The following DYM variants were observed in gnomAD, a reference collection of about 807,000 sequenced individuals.
DYM encodes the protein dymeclin.
A neutral mutation model predicts 93.1 loss-of-function variants in DYM; 78 were observed. That is an observed-to-expected ratio of 0.84 (90% CI 0.70 to 1.01). The LOEUF is 1.01. Among genes scored for constraint, DYM ranks in the 50% least tolerant of loss-of-function variants. The pLI is 0.00. For missense variants in DYM, 789 were observed against 845.0 expected (o/e 0.93, Z 0.82); for synonymous variants, 321 against 319.7 (o/e 1.00, Z -0.04).
chr18:49,364,548 C>T (rs1178867748), intron 5 of DYM, among the ~76,000 whole-genome samples: 7 of 152,140 alleles, frequency 4.6e-5, no homozygotes, highest in Non-Finnish European at 8.8e-5. Flanking sequence ...GCAATCCAAA[C>T]TCCAGATTGC....
intron 14 of DYM, among the ~76,000 whole-genome samples, chr18:49,196,609 G>C (rs2091475586): frequency 6.6e-6 from 1 of 152,080 alleles, no homozygotes; most frequent in East Asian, 1.9e-4. Context: ...GTCTGAGGAA[G>C]TGAAAAATGT....
intron 17 of DYM, among the ~76,000 whole-genome samples, chr18:49,054,652 A>G (rs2075314061): frequency 6.6e-6 from 1 of 152,210 alleles, no homozygotes; most frequent in South Asian, 2.1e-4. Flanking sequence ...GGCTCAAAAG[A>G]CAGTTGCAAC....
intron 15 of DYM, among the ~76,000 whole-genome samples, chr18:49,141,973 C>T (rs577777628): frequency 5.5e-4 from 84 of 152,104 alleles, no homozygotes; most frequent in African/African-American, 2.0e-3. Context: ...CCTGCCTCAG[C>T]CTCCTGAGTA....
At chr18:49,102,119 A>C (rs966786195) in intron 16 of DYM, among the ~76,000 whole-genome samples, 1 of 152,186 alleles carries the variant, frequency 6.6e-6, no homozygotes, top group Non-Finnish European at 1.5e-5. Flanking sequence ...AGGAACCAAT[A>C]ATGATAATGT....
chr18:49,292,377 C>CACAT (rs2060195848), intron 8 of DYM, among the ~76,000 whole-genome samples: 1 of 150,562 alleles, frequency 6.6e-6, no homozygotes, highest in African/African-American at 2.4e-5. Context: ...CACACACACA[C>CACAT]ACACACACAC....
At chr18:49,435,761 C>A (rs1001384546) in intron 1 of DYM, among the ~76,000 whole-genome samples, 1 of 152,046 alleles carries the variant, frequency 6.6e-6, no homozygotes, top group Non-Finnish European at 1.5e-5. Flanking sequence ...TGCACTCCAG[C>A]CTGGGCAACA....
intron 14 of DYM, among the ~76,000 whole-genome samples, chr18:49,177,262 A>C (rs1338319549): frequency 6.6e-6 from 1 of 152,124 alleles, no homozygotes; most frequent in Non-Finnish European, 1.5e-5. Flanking sequence ...AGTGTAAAGA[A>C]ATTTCCTCTC....
chr18:49,079,888 T>A (rs2077656045), intron 17 of DYM, among the ~76,000 whole-genome samples: 1 of 151,588 alleles, frequency 6.6e-6, no homozygotes, highest in Non-Finnish European at 1.5e-5. Flanking sequence ...ACCGCCATTG[T>A]CATCCCGGCC....
At chr18:49,385,772 G>A (rs1305602387) in intron 3 of DYM, among the ~76,000 whole-genome samples, 3 of 151,776 alleles carry the variant, frequency 2.0e-5, no homozygotes, top group African/African-American at 4.8e-5. Context: ...AACACAAAAA[G>A]CCTAACAAAA....
chr18:49,185,248 T>C (rs1308695318), intron 14 of DYM, among the ~76,000 whole-genome samples: 1 of 152,204 alleles, frequency 6.6e-6, no homozygotes, highest in African/African-American at 2.4e-5. Context: ...AATTAAATGA[T>C]TACTATTCAG....
intron 8 of DYM, among the ~76,000 whole-genome samples, chr18:49,328,687 T>C (rs1362740806): frequency 6.6e-6 from 1 of 152,106 alleles, no homozygotes; most frequent in Non-Finnish European, 1.5e-5. Context: ...AAAAAATGCT[T>C]ATCATCACTG....
At chr18:49,405,890 TATG>T (rs2071439389) in intron 2 of DYM, among the ~76,000 whole-genome samples, 1 of 152,228 alleles carries the variant, frequency 6.6e-6, no homozygotes, top group Non-Finnish European at 1.5e-5. Flanking sequence ...TTGTATTGTC[TATG>T]ATTTCTTTCA....
intron 8 of DYM, among the ~76,000 whole-genome samples, chr18:49,295,559 A>T (rs1412847302): frequency 2.6e-5 from 4 of 152,150 alleles, no homozygotes; most frequent in Non-Finnish European, 5.9e-5. Context: ...GGAATGGTAA[A>T]ACAAGATTGG....
chr18:49,428,348 T>G (rs1197322543), intron 2 of DYM, among the ~76,000 whole-genome samples: 2 of 152,128 alleles, frequency 1.3e-5, no homozygotes, highest in African/African-American at 4.8e-5. Flanking sequence ...TGTTACAATT[T>G]CATTTACATG....
chr18:49,440,503 CTATA>C lies in DYM; in HGVS notation c.-53-10060_-53-10057del, dbSNP rs1335766069. On this transcript the variant is annotated intron_variant, in intron 1 of 17. Coordinates refer to ENST00000675505, the MANE Select transcript of DYM (RefSeq NM_001353214.3). ...TATTATATATTTATATAATATATGACTATATATTATATATTTATATAATATATGA... is the reference window on the plus strand; with the variant it reads ...TATTATATATTTATATAATATATGACTATTATATATTTATATAATATATGA... Among the ~76,000 whole-genome samples the C allele has an allele frequency of 3.0e-4, 20 of 65,900 alleles. 1 individual carries two copies. In the South Asian group the frequency reaches 0.011, roughly 37 times the overall value. The allele number at this position is 65,900 out of a possible 152,430, so 43.2% of individuals were successfully genotyped here.
intron 17 of DYM, among the ~76,000 whole-genome samples, chr18:49,079,731 C>A (rs376320732): frequency 3.7e-4 from 56 of 151,286 alleles, no homozygotes; most frequent in Admixed American, 2.6e-3. Flanking sequence ...GTAAGGTCAC[C>A]GATCAACAGG....
At chr18:49,279,272 C>T (rs2094915662) in intron 10 of DYM, among the ~76,000 whole-genome samples, 1 of 152,190 alleles carries the variant, frequency 6.6e-6, no homozygotes, top group Non-Finnish European at 1.5e-5. Flanking sequence ...GGTCTGCCTC[C>T]AGCCTTATGG....
At chr18:49,179,033 G>C (rs2089663962) in intron 14 of DYM, among the ~76,000 whole-genome samples, 2 of 151,052 alleles carry the variant, frequency 1.3e-5, no homozygotes, top group African/African-American at 2.4e-5. Context: ...CATTATATTT[G>C]GGATCTTCAC....
At chr18:49,370,875 C>T (rs565796557) in intron 5 of DYM, among the ~76,000 whole-genome samples, 24 of 152,356 alleles carry the variant, frequency 1.6e-4, no homozygotes, top group Non-Finnish European at 2.9e-4. Context: ...CTTTTTAGTG[C>T]ATTGATGGGC....
Sources: gnomAD v4.1 joint callset for allele counts (sites outside exome capture counted in the v4.1 genomes callset) on GRCh38, gnomAD v4.1.1 for gene constraint, MANE v1.5 for transcripts, NCBI Gene and HGNC (gene_info 2026-07-23, HGNC 2026-07-21) for gene names.